The following SCAPER variants were observed in gnomAD, a reference collection of about 807,000 sequenced individuals.
SCAPER encodes S phase cyclin A-associated protein in the endoplasmic reticulum.
SCAPER carries 98 observed loss-of-function variants against 182.2 expected under a neutral mutation model. That is an observed-to-expected ratio of 0.54 (90% CI 0.46 to 0.64). The LOEUF (loss-of-function observed/expected upper bound fraction) is 0.64, where lower values mean the gene tolerates loss of function less well. SCAPER is among the 30% of genes least tolerant of loss of function. The pLI is 0.00. For missense variants in SCAPER, 1,432 were observed against 1,690.0 expected (o/e 0.85, Z 2.68); for synonymous variants, 605 against 564.6 (o/e 1.07, Z -1.01).
intron 2 of SCAPER, among the ~76,000 whole-genome samples, chr15:76,870,987 T>C (rs989102733): frequency 6.6e-6 from 1 of 151,976 alleles, no homozygotes; most frequent in African/African-American, 2.4e-5. Context: ...ACAAGTAACC[T>C]CAAATTAATA....
chr15:76,513,362 T>A (rs157789), intron 23 of SCAPER, among the ~76,000 whole-genome samples: 18,476 of 152,084 alleles, frequency 0.12, 1,532 homozygotes, highest in African/African-American at 0.24. Context: ...AGTTTATACA[T>A]AAAGATGGAT....
chr15:76,420,472 C>T (rs927308626), intron 26 of SCAPER, among the ~76,000 whole-genome samples: 1 of 151,804 alleles, frequency 6.6e-6, no homozygotes, highest in African/African-American at 2.4e-5. Context: ...AATCAACATA[C>T]AAAAATCAGT....
chr15:76,772,233 C>T (rs1183997840), intron 9 of SCAPER, among the ~76,000 whole-genome samples: 3 of 151,928 alleles, frequency 2.0e-5, no homozygotes, highest in Non-Finnish European at 4.4e-5. Flanking sequence ...TTGTAGTAGG[C>T]CAATTTGTGA....
chr15:76,886,249 G>A (rs1291178411), intron 1 of SCAPER, among the ~76,000 whole-genome samples: 13 of 152,236 alleles, frequency 8.5e-5, no homozygotes, highest in African/African-American at 3.1e-4. Flanking sequence ...GGAGGCCGAG[G>A]TGGGCAGATC....
At chr15:76,349,584 T>C (rs2040399184) in intron 31 of SCAPER, 1 of 152,060 alleles carries the variant, frequency 6.6e-6, no homozygotes, top group Admixed American at 6.5e-5. Context: ...TCTTGAGACA[T>C]TTTATGAGGA....
chr15:76,904,011 C>CT (rs1182533647), intron 1 of SCAPER, among the ~76,000 whole-genome samples: 9 of 152,186 alleles, frequency 5.9e-5, no homozygotes, highest in Non-Finnish European at 1.3e-4. Context: ...AAACTTGACT[C>CT]TTTGATTGAT....
intron 22 of SCAPER, among the ~76,000 whole-genome samples, chr15:76,618,649 C>T (rs188201075): frequency 6.6e-6 from 1 of 152,162 alleles, no homozygotes; most frequent in African/African-American, 2.4e-5. Flanking sequence ...TTATTCATTA[C>T]AATCCAAATT....
At chr15:76,746,822 A>G (rs2061817554) in intron 15 of SCAPER, among the ~76,000 whole-genome samples, 1 of 152,260 alleles carries the variant, frequency 6.6e-6, no homozygotes, top group African/African-American at 2.4e-5. Context: ...GCAGTGAAAT[A>G]CTTGTATGTT....
intron 21 of SCAPER, among the ~76,000 whole-genome samples, chr15:76,652,455 C>T (rs2055229564): frequency 9.0e-6 from 1 of 110,570 alleles, no homozygotes; most frequent in African/African-American, 3.6e-5. Context: ...AGTTCGAAAC[C>T]AGCCTGGCCA....
chr15:76,508,443 C>T (rs1467169285), intron 23 of SCAPER, among the ~76,000 whole-genome samples: 2 of 152,100 alleles, frequency 1.3e-5, no homozygotes, highest in Non-Finnish European at 2.9e-5. Flanking sequence ...ACTGCTGGGT[C>T]ACAGAGTATG....
intron 25 of SCAPER, among the ~76,000 whole-genome samples, chr15:76,448,620 T>C (rs967223913): frequency 3.3e-5 from 5 of 152,128 alleles, no homozygotes; most frequent in East Asian, 3.9e-4. Flanking sequence ...TACAGTTTGG[T>C]AGGAGAAGGG....
chr15:76,799,870 G>A (rs1305846743), intron 7 of SCAPER, among the ~76,000 whole-genome samples: 1 of 152,100 alleles, frequency 6.6e-6, no homozygotes, highest in Admixed American at 6.6e-5. Context: ...TAGCTTTCCT[G>A]AGTCCCAGGG....
intron 5 of SCAPER, among the ~76,000 whole-genome samples, chr15:76,834,525 C>T (rs1381797377): frequency 6.6e-6 from 1 of 151,928 alleles, no homozygotes; most frequent in African/African-American, 2.4e-5. Flanking sequence ...TGAACACTGA[C>T]GGGCAAGGAT....
intron 23 of SCAPER, among the ~76,000 whole-genome samples, chr15:76,567,573 T>A (rs1742361312): frequency 6.6e-6 from 1 of 152,208 alleles, no homozygotes; most frequent in African/African-American, 2.4e-5. Flanking sequence ...GTCATTCTGA[T>A]AAGTGAATCA....
At chr15:76,898,497 A>G (rs2074554921) in intron 1 of SCAPER, among the ~76,000 whole-genome samples, 1 of 152,270 alleles carries the variant, frequency 6.6e-6, no homozygotes, top group Non-Finnish European at 1.5e-5. Flanking sequence ...CAAGATGTTC[A>G]TGAACTGATA....
At chr15:76,609,170 C>A in intron 22 of SCAPER, among the ~76,000 whole-genome samples, 1 of 152,142 alleles carries the variant, frequency 6.6e-6, no homozygotes, top group Admixed American at 6.5e-5. Context: ...TGGCTCCTCC[C>A]TGGCATTTCT....
chr15:76,782,380 G>C (rs1032245088), intron 8 of SCAPER, among the ~76,000 whole-genome samples: 3 of 152,102 alleles, frequency 2.0e-5, no homozygotes, highest in African/African-American at 7.2e-5. Flanking sequence ...GATTCATAAA[G>C]CAAGTCTTTA....
rs2146950934 is a variant in SCAPER at position 76,677,744 on chromosome 15, C to A, written c.2509-11955G>T. On this transcript the variant is annotated intron_variant, in intron 20 of 31. Coordinates refer to ENST00000563290, the MANE Select transcript of SCAPER (RefSeq NM_020843.4). ...CCTTTTATGGCATACTAGACCAAAG[C>A]TCTGGTTTTCCTAACATAATTTACC... is the stretch of plus-strand genomic sequence containing the variant. Among the ~76,000 whole-genome samples the A allele has an allele frequency of 4.0e-5, 6 of 149,706 alleles. 1 individual carries two copies. The Middle Eastern group carries it at 0.021, about 513-fold the overall frequency.
chr15:76,584,275 G>T (rs1395744204), intron 22 of SCAPER, among the ~76,000 whole-genome samples: 1 of 150,124 alleles, frequency 6.7e-6, no homozygotes, highest in African/African-American at 2.5e-5. Flanking sequence ...GGCTGGTAAG[G>T]GTAGTGGGGA....
Sources: gnomAD v4.1 joint callset for allele counts (sites outside exome capture counted in the v4.1 genomes callset) on GRCh38, gnomAD v4.1.1 for gene constraint, MANE v1.5 for transcripts, NCBI Gene and HGNC (gene_info 2026-07-23, HGNC 2026-07-21) for gene names.